Variants in WDR27 observed in about 807,000 individuals in gnomAD.
The protein encoded by WDR27 is WD repeat domain 27.
Under a neutral mutation model 114.4 loss-of-function variants are expected in WDR27, and 100 were observed. The observed-to-expected ratio is 0.87, with a 90% CI of 0.74 to 1.03. WDR27 has a LOEUF of 1.03. Ranked by LOEUF, WDR27 falls within the 50% of genes least tolerant of loss-of-function variation. The probability of loss-of-function intolerance (pLI) is 0.00; values close to 1 mark genes in which losing one functional copy is unlikely to be tolerated. For missense variants in WDR27, 1,129 were observed against 1,092.9 expected (o/e 1.03, Z -0.47); for synonymous variants, 449 against 423.1 (o/e 1.06, Z -0.75).
At chr6:169,632,769 G>A (rs1816738164) in intron 21 of WDR27, among the ~76,000 whole-genome samples, 178 bp downstream of exon 21, 2 of 152,238 alleles carry the variant, frequency 1.3e-5, no homozygotes, top group South Asian at 4.1e-4. Context: ...CATTCAACAT[G>A]ATATTAAAAT....
intron 6 of WDR27, chr6:169,666,597 GCGGA>G: frequency 7.1e-6 from 7 of 985,540 alleles, no homozygotes; most frequent in Non-Finnish European, 8.4e-6. Context: ...GCCGTGCTCC[GCGGA>G]CGGACGCCTG....
intron 22 of WDR27, among the ~76,000 whole-genome samples, chr6:169,609,569 G>A (rs578035944): frequency 1.3e-5 from 2 of 152,296 alleles, no homozygotes; most frequent in East Asian, 3.9e-4. Flanking sequence ...GGGACACAGG[G>A]CACCAAGTCC....
At chr6:169,694,039 G>C (rs571184662) in intron 1 of WDR27, among the ~76,000 whole-genome samples, 2 of 152,334 alleles carry the variant, frequency 1.3e-5, no homozygotes, top group African/African-American at 4.8e-5. Flanking sequence ...GCCGGGCGCA[G>C]TGGCTCACAT....
rs1799883405 is a variant in WDR27 at position 169,562,987 on chromosome 6, T to G, written c.2645+9432A>C. 2.0e-5 allele frequency among the ~76,000 whole-genome samples: 3 copies of G among 152,070 alleles called. No individual in the cohort carries two copies. In the South Asian group the frequency reaches 6.2e-4, roughly 32 times the overall value. ...GAGCACAGCAGCGCTGCCGGGGGAA[T>G]GCCCGGAGCAAATGGGTCTAAAGGA... On this transcript the variant is annotated intron_variant, in intron 25 of 25. Coordinates refer to ENST00000448612, the MANE Select transcript of WDR27 (RefSeq NM_182552.5).
chr6:169,602,848 T>C (rs2494680), intron 22 of WDR27, among the ~76,000 whole-genome samples: 128,050 of 147,674 alleles, frequency 0.87, 55,976 homozygotes, highest in Admixed American at 0.94. Flanking sequence ...TTTTTCTTTT[T>C]TTTTTTTGAG....
chr6:169,554,268 G>T lies in WDR27; in HGVS notation c.2645+18151C>A, dbSNP rs146622687. 1.7e-3 allele frequency among the ~76,000 whole-genome samples: 254 copies of T among 152,314 alleles called. 3 individuals are homozygous for T. Among genetic ancestry groups the T allele is most frequent in the South Asian group, 9.7e-3 (47 of 4,828 alleles). The stretch of plus-strand genomic sequence containing the variant: ...GGCTGGAAGGACTCAGCGGCTGGGT[G>T]GGACGGGGCTGCAGTCGGGCACAAG... On this transcript the variant is annotated intron_variant, in intron 25 of 25. Transcript: ENST00000448612.
chr6:169,633,658 TGGTGGGAACCCA>T (rs1816976759), intron 20 of WDR27, among the ~76,000 whole-genome samples: 1 of 152,186 alleles, frequency 6.6e-6, no homozygotes, highest in African/African-American at 2.4e-5. Flanking sequence ...TGTGTATAGG[TGGTGGGAACCCA>T]GGTGCACTGG....
intron 1 of WDR27, among the ~76,000 whole-genome samples, chr6:169,697,564 C>T (rs187765614): frequency 3.9e-4 from 60 of 152,348 alleles, no homozygotes; most frequent in Middle Eastern, 3.4e-3. Context: ...TCAGTGGTCA[C>T]GCTCCTAGTC....
chr6:169,638,351 A>AG (rs1818253002), intron 18 of WDR27, among the ~76,000 whole-genome samples, 188 bp downstream of exon 18: 1 of 150,574 alleles, frequency 6.6e-6, no homozygotes, highest in African/African-American at 2.5e-5. Context: ...AAAAAAAAAA[A>AG]GAAACTAATC....
chr6:169,601,120 G>T (rs985251954), intron 23 of WDR27, among the ~76,000 whole-genome samples: 1 of 152,188 alleles, frequency 6.6e-6, no homozygotes, highest in Admixed American at 6.5e-5. Flanking sequence ...TCTCTCGGGA[G>T]AAACTCTACA....
intron 25 of WDR27, among the ~76,000 whole-genome samples, chr6:169,510,934 C>G (rs1444620783): frequency 1.3e-5 from 2 of 152,054 alleles, no homozygotes; most frequent in African/African-American, 2.4e-5. Context: ...AATATATATG[C>G]AAAACTTTTC....
chr6:169,515,481 A>T (rs1793524935), intron 25 of WDR27, among the ~76,000 whole-genome samples: 1 of 152,214 alleles, frequency 6.6e-6, no homozygotes, highest in South Asian at 2.1e-4. Flanking sequence ...TTATTGGGTT[A>T]TGCATGTCTG....
intron 2 of WDR27, among the ~76,000 whole-genome samples, chr6:169,688,518 A>C (rs1585175108): frequency 6.6e-6 from 1 of 152,176 alleles, no homozygotes; most frequent in Non-Finnish European, 1.5e-5. Context: ...AGAAACGTCA[A>C]TCTAAACATT....
chr6:169,554,251 G>A (rs1315489935), intron 25 of WDR27, among the ~76,000 whole-genome samples: 1 of 152,206 alleles, frequency 6.6e-6, no homozygotes, highest in Non-Finnish European at 1.5e-5. Context: ...GGGGCTGGAA[G>A]GACTCAGCGG....
At chr6:169,613,811 T>G (rs575636586) in intron 21 of WDR27, among the ~76,000 whole-genome samples, 155 bp from the exon 22 acceptor site, 25 of 152,328 alleles carry the variant, frequency 1.6e-4, no homozygotes, top group African/African-American at 5.5e-4. Flanking sequence ...CTCCAAAAAC[T>G]TCTACATAAA....
intron 23 of WDR27, among the ~76,000 whole-genome samples, chr6:169,598,303 G>A (rs746215192): frequency 1.2e-4 from 18 of 152,186 alleles, no homozygotes; most frequent in Non-Finnish European, 2.5e-4. Context: ...TACAAAGAAT[G>A]GAAATGTATA....
intron 21 of WDR27, among the ~76,000 whole-genome samples, chr6:169,627,276 A>G (rs1815086260): frequency 6.6e-6 from 1 of 152,348 alleles, no homozygotes; most frequent in East Asian, 1.9e-4. Flanking sequence ...CTTTTTAAAA[A>G]CAAATCTTAA....
At chr6:169,540,522 C>T (rs1796711085) in intron 25 of WDR27, among the ~76,000 whole-genome samples, 1 of 151,816 alleles carries the variant, frequency 6.6e-6, no homozygotes, top group African/African-American at 2.4e-5. Flanking sequence ...CTCTGCCTCC[C>T]GAGTTCAAGC....
At chr6:169,647,536 G>C in intron 16 of WDR27, 1 of 597,684 alleles carries the variant, frequency 1.7e-6, no homozygotes. Context: ...GCTAGTGAGT[G>C]AGTGCCAGTG....
Sources: allele counts gnomAD v4.1 joint callset (sites outside exome capture counted in the v4.1 genomes callset), GRCh38; gene constraint gnomAD v4.1.1; transcripts MANE v1.5; gene names NCBI Gene and HGNC (gene_info 2026-07-23, HGNC 2026-07-21).